Variants in PTPRG observed in about 807,000 individuals in gnomAD.
PTPRG encodes protein tyrosine phosphatase receptor type G.
Under a neutral mutation model 165.3 loss-of-function variants are expected in PTPRG, and 102 were observed. That is an observed-to-expected ratio of 0.62 (90% CI 0.53 to 0.73). The LOEUF is 0.73. Ranked by LOEUF, PTPRG falls within the 30% of genes least tolerant of loss-of-function variation. The pLI is 0.00. For synonymous variants in PTPRG, 675 were observed against 669.5 expected (o/e 1.01, Z -0.13); for missense variants, 1,866 against 1,861.4 (o/e 1.00, Z -0.05).
At chr3:61,742,403 AT>A (rs34010935) in intron 1 of PTPRG, 37,094 of 726,718 alleles carry the variant, frequency 0.051, 3 homozygotes, top group East Asian at 0.13. Flanking sequence ...TGGGTCTGGA[AT>A]TTTTTTTTTT....
chr3:61,868,467 T>G (rs1008957109), intron 2 of PTPRG, among the ~76,000 whole-genome samples: 12 of 152,192 alleles, frequency 7.9e-5, no homozygotes, highest in Non-Finnish European at 1.5e-5. Flanking sequence ...CCTGATGCAC[T>G]GCGTCCAACC....
intron 8 of PTPRG, among the ~76,000 whole-genome samples, chr3:62,179,782 C>CAAGTGGG (rs1705577575): frequency 6.6e-6 from 1 of 152,178 alleles, no homozygotes; most frequent in African/African-American, 2.4e-5. Flanking sequence ...AGGGCAGTAC[C>CAAGTGGG]AGGTGTGGGA....
At chr3:62,043,478 G>A (rs181962950) in intron 4 of PTPRG, among the ~76,000 whole-genome samples, 6 of 152,012 alleles carry the variant, frequency 3.9e-5, no homozygotes, top group Non-Finnish European at 8.8e-5. Flanking sequence ...ACCTTTATGC[G>A]ATCAGTTTAG....
intron 1 of PTPRG, among the ~76,000 whole-genome samples, chr3:61,716,191 C>G (rs1039185949): frequency 6.6e-6 from 1 of 152,182 alleles, no homozygotes; most frequent in Non-Finnish European, 1.5e-5. Context: ...CGTCACAACT[C>G]TGAGGTTCCT....
chr3:62,273,598 A>T lies in PTPRG; in HGVS notation c.3319-100A>T. The T allele has an allele frequency of 8.6e-7, 1 of 1,157,250 alleles. No individual in the cohort carries two copies. Among genetic ancestry groups the T allele is most frequent in the South Asian group, 1.4e-5 (1 of 72,036 alleles). 71.7% of individuals were successfully genotyped at this position (1,157,250 alleles called of 1,614,324 possible). The stretch of plus-strand genomic sequence containing the variant: ...TAAGTGCTTGAAGGAAATCACTGGG[A>T]GGTCCCTGTTAGCAGCAGAATTAAA... On this transcript the variant is annotated intron_variant, in intron 22 of 29. Coordinates refer to ENST00000474889, the MANE Select transcript of PTPRG (RefSeq NM_002841.4). The surrounding 1 kb of genome is among the most constrained non-coding windows in gnomAD (Gnocchi z 4.1).
intron 5 of PTPRG, among the ~76,000 whole-genome samples, chr3:62,089,642 G>A (rs116090200): frequency 7.2e-5 from 11 of 152,224 alleles, no homozygotes; most frequent in African/African-American, 1.9e-4. Context: ...TCAAATCCCC[G>A]TTTGGGGTCT....
At chr3:61,623,792 C>T (rs1701530935) in intron 1 of PTPRG, among the ~76,000 whole-genome samples, 1 of 152,158 alleles carries the variant, frequency 6.6e-6, no homozygotes, top group Non-Finnish European at 1.5e-5. Context: ...ACATACAGGG[C>T]TACCTGTGAA....
intron 8 of PTPRG, among the ~76,000 whole-genome samples, chr3:62,171,979 A>G (rs1011047062): frequency 1.3e-5 from 2 of 152,130 alleles, no homozygotes; most frequent in Admixed American, 6.6e-5. Flanking sequence ...GAATTTGTCT[A>G]TTCTGCACAT....
chr3:61,747,613 G>C (rs557171324), intron 1 of PTPRG, among the ~76,000 whole-genome samples: 2 of 148,918 alleles, frequency 1.3e-5, no homozygotes, highest in African/African-American at 4.9e-5. Flanking sequence ...TGAAGTGTAA[G>C]CATAAAGTAC....
intron 1 of PTPRG, among the ~76,000 whole-genome samples, chr3:61,619,784 G>C (rs1156642891): frequency 6.6e-6 from 1 of 152,234 alleles, no homozygotes; most frequent in Non-Finnish European, 1.5e-5. Flanking sequence ...GACAGAGCCA[G>C]AAGTTTACAA....
intron 1 of PTPRG, among the ~76,000 whole-genome samples, chr3:61,612,036 G>A (rs577650369): frequency 1.3e-5 from 2 of 152,154 alleles, no homozygotes; most frequent in South Asian, 2.1e-4. Flanking sequence ...TCCGCCTCCC[G>A]GGTTCAAGGA....
chr3:61,987,631 A>G (rs1397489623), intron 2 of PTPRG, among the ~76,000 whole-genome samples: 1 of 152,158 alleles, frequency 6.6e-6, no homozygotes, highest in Non-Finnish European at 1.5e-5. Context: ...GCATGCATAC[A>G]TACACATATG....
intron 2 of PTPRG, among the ~76,000 whole-genome samples, chr3:61,817,196 A>G (rs1461367835): frequency 3.0e-5 from 4 of 132,764 alleles, no homozygotes; most frequent in African/African-American, 1.1e-4. Context: ...AAAATAATAT[A>G]TATAATAATA....
intron 5 of PTPRG, among the ~76,000 whole-genome samples, chr3:62,089,231 T>G (rs1701851044): frequency 6.6e-6 from 1 of 152,230 alleles, no homozygotes; most frequent in Non-Finnish European, 1.5e-5. Flanking sequence ...GATTATATTT[T>G]AAGACAGACC....
chr3:61,982,052 T>A (rs2107680181), intron 2 of PTPRG, among the ~76,000 whole-genome samples: 1 of 152,294 alleles, frequency 6.6e-6, no homozygotes, highest in Non-Finnish European at 1.5e-5. Flanking sequence ...TACTCTGTTG[T>A]ATGACCTTTT....
intron 2 of PTPRG, among the ~76,000 whole-genome samples, chr3:61,877,070 C>T (rs2037761746): frequency 1.3e-5 from 2 of 152,028 alleles, no homozygotes; most frequent in African/African-American, 2.4e-5. Flanking sequence ...TTGCCTTGTG[C>T]AATCTTTGCA....
intron 4 of PTPRG, among the ~76,000 whole-genome samples, chr3:62,054,083 T>C (rs551688634): frequency 6.6e-6 from 1 of 152,318 alleles, no homozygotes; most frequent in South Asian, 2.1e-4. Flanking sequence ...ACTGCACATC[T>C]ATGAGCGTAC....
chr3:61,800,550 T>C (rs1323002973), intron 2 of PTPRG, among the ~76,000 whole-genome samples: 4 of 152,082 alleles, frequency 2.6e-5, no homozygotes, highest in Non-Finnish European at 5.9e-5. Context: ...TAGTCTGATT[T>C]CTCAGGATTA....
chr3:61,642,786 G>A (rs546502008), intron 1 of PTPRG, among the ~76,000 whole-genome samples: 1 of 152,288 alleles, frequency 6.6e-6, no homozygotes, highest in African/African-American at 2.4e-5. Flanking sequence ...TCATAGATGA[G>A]GGGAAGTTGA....
Sources: gnomAD v4.1 joint callset for allele counts (sites outside exome capture counted in the v4.1 genomes callset) on GRCh38, gnomAD v4.1.1 for gene constraint, Gnocchi (gnomAD v3.1) non-coding constraint, MANE v1.5 for transcripts, NCBI Gene and HGNC (gene_info 2026-07-23, HGNC 2026-07-21) for gene names.